Variants in TMSB15B observed in about 807,000 individuals in gnomAD.
TMSB15B encodes the protein thymosin beta-15B.
At chrX:103,928,309 G>A (rs1464847855) in intron 1 of TMSB15B, 8 of 1,203,251 alleles carry the variant, frequency 6.6e-6, no homozygotes, top group Admixed American at 6.6e-5. Flanking sequence ...ACTTTGGCAC[G>A]AAGGTCCTCA....
At chrX:103,933,835 T>TC (rs1491511446) in intron 1 of TMSB15B, among the ~76,000 whole-genome samples, 4 of 87,825 alleles carry the variant, frequency 4.6e-5, no homozygotes, top group Non-Finnish European at 4.9e-5. Context: ...TTTTTCTCTC[T>TC]TTTTTTTTTT....
chrX:103,948,270 G>A (rs1262730122), intron 1 of TMSB15B, among the ~76,000 whole-genome samples: 2 of 112,230 alleles, frequency 1.8e-5, no homozygotes, highest in Non-Finnish European at 3.8e-5. Flanking sequence ...TCACCCATTA[G>A]ATTGGCTAAA....
chrX:103,942,674 C>T (rs1354646093), intron 1 of TMSB15B, among the ~76,000 whole-genome samples: 1 of 112,094 alleles, frequency 8.9e-6, no homozygotes, highest in East Asian at 2.8e-4. Flanking sequence ...TTCAGCAAAA[C>T]TTAACTGTTG....
Position 103,928,036 on chromosome X carries a change from C to G in TMSB15B, c.-721+8744C>G, listed in dbSNP as rs190747497. ...GCTTGCCAACGGAATTAATTGGTCG[C>G]TCTAATCTCTTTTTTTCCACCCTTG... On this transcript the variant is annotated intron_variant, in intron 1 of 3. Transcript: ENST00000419165. 4,279 of 698,884 alleles carry G rather than the reference C, an allele frequency of 6.1e-3. 135 individuals are homozygous for G. In the African/African-American group the frequency reaches 0.08, roughly 13 times the overall value. 57.6% of individuals were successfully genotyped at this position (698,884 alleles called of 1,213,427 possible).
chrX:103,922,851 C>T (rs2074957677), intron 1 of TMSB15B, among the ~76,000 whole-genome samples: 1 of 112,242 alleles, frequency 8.9e-6, no homozygotes, highest in Non-Finnish European at 1.9e-5. Context: ...TGTTTCTCCA[C>T]ATCCTCTCCA....
chrX:103,932,363 C>G (rs1265156524), intron 1 of TMSB15B: 2 of 111,792 alleles, frequency 1.8e-5, no homozygotes, highest in African/African-American at 3.3e-5. Flanking sequence ...TGCTGCAGAA[C>G]TGATTGCTCA....
intron 1 of TMSB15B, among the ~76,000 whole-genome samples, chrX:103,934,383 C>G (rs1312797867): frequency 9.1e-6 from 1 of 110,013 alleles, no homozygotes; most frequent in Admixed American, 9.7e-5. Flanking sequence ...GATACATGTG[C>G]AGAACCTGCA....
chrX:103,949,009 T>C (rs1391098595), intron 1 of TMSB15B, among the ~76,000 whole-genome samples: 1 of 111,605 alleles, frequency 9.0e-6, no homozygotes, highest in Non-Finnish European at 1.9e-5. Flanking sequence ...GACTCATTGA[T>C]ACAGTGAGAT....
At chrX:103,920,493 G>C (rs1556317497) in intron 1 of TMSB15B, among the ~76,000 whole-genome samples, 1 of 111,606 alleles carries the variant, frequency 9.0e-6, no homozygotes, top group African/African-American at 3.2e-5. Flanking sequence ...TGTCATCAGT[G>C]TATTTGTCCA....
chrX:103,949,179 CAGATCAG>C (rs199708500), intron 1 of TMSB15B, among the ~76,000 whole-genome samples: 1,381 of 111,626 alleles, frequency 0.012, 24 homozygotes, highest in African/African-American at 0.042. Context: ...ATGAGGAGAG[CAGATCAG>C]AGATCAGAGA....
chrX:103,922,438 T>C (rs1214831875), intron 1 of TMSB15B, among the ~76,000 whole-genome samples: 1 of 100,863 alleles, frequency 9.9e-6, no homozygotes, highest in Admixed American at 1.1e-4. Context: ...TTCCCACCTA[T>C]GAGTGAGAAC....
rs2075034734 is a variant in TMSB15B, at chrX:103,949,888, G to A, written c.-720-12133G>A. ...GCCCTGGGGCATTCTCATTTTAAGA[G>A]GTTTGGAAGAAGAGGGGCCAGTAAA... is the stretch of plus-strand genomic sequence containing the variant. On this transcript the variant is annotated intron_variant, in intron 1 of 3. Coordinates refer to the TMSB15B transcript ENST00000419165. Among the ~76,000 whole-genome samples, 4 of 111,610 alleles carry A rather than the reference G, an allele frequency of 3.6e-5. No homozygotes were observed. In the South Asian group the frequency reaches 1.5e-3, roughly 43 times the overall value.
intron 1 of TMSB15B, among the ~76,000 whole-genome samples, chrX:103,942,523 T>C (rs2075015156): frequency 8.9e-6 from 1 of 112,118 alleles, no homozygotes; most frequent in South Asian, 3.7e-4. Flanking sequence ...ACAGTAATAC[T>C]AATAAATGTC....
At chrX:103,933,517 C>T (rs782566274) in intron 1 of TMSB15B, among the ~76,000 whole-genome samples, 1 of 111,912 alleles carries the variant, frequency 8.9e-6, no homozygotes, top group Admixed American at 9.5e-5. Context: ...ATCCCTTCTT[C>T]CATCTTAGGG....
chrX:103,933,257 C>G (rs1283224206), intron 1 of TMSB15B, among the ~76,000 whole-genome samples: 1 of 111,492 alleles, frequency 9.0e-6, no homozygotes, highest in Non-Finnish European at 1.9e-5. Context: ...CTGTATTTCT[C>G]TAGTCTGTTC....
chrX:103,924,770 C>T (rs782076634), intron 1 of TMSB15B, among the ~76,000 whole-genome samples: 5 of 111,454 alleles, frequency 4.5e-5, no homozygotes, highest in East Asian at 5.7e-4. Flanking sequence ...TAGACTGGCT[C>T]GGACAGTCTG....
intron 1 of TMSB15B, among the ~76,000 whole-genome samples, chrX:103,926,936 G>T (rs782561027): frequency 1.5e-4 from 17 of 110,197 alleles, no homozygotes; most frequent in Non-Finnish European, 3.0e-4. Flanking sequence ...TTTCCCTGAG[G>T]TTCCAGCTCT....
At chrX:103,919,862 A>T (rs1397090179) in intron 1 of TMSB15B, among the ~76,000 whole-genome samples, 1 of 111,871 alleles carries the variant, frequency 8.9e-6, no homozygotes, top group Non-Finnish European at 1.9e-5. Context: ...TGCTCTCTAG[A>T]TGCTAATTGT....
chrX:103,944,349 C>T (rs782439280), intron 1 of TMSB15B, among the ~76,000 whole-genome samples: 18 of 112,095 alleles, frequency 1.6e-4, no homozygotes, highest in Non-Finnish European at 3.2e-4. Context: ...CCATTTGTAG[C>T]TTTATTTGCC....
Sources: gnomAD v4.1 joint callset for allele counts (sites outside exome capture counted in the v4.1 genomes callset) on GRCh38, gnomAD v4.1.1 for gene constraint, MANE v1.5 for transcripts, NCBI Gene and HGNC (gene_info 2026-07-23, HGNC 2026-07-21) for gene names.